ASIC2: variants seen among roughly 807,000 people sequenced by gnomAD.
ASIC2 encodes the protein acid sensing ion channel subunit 2, also known as acid-sensing ion channel 2.
ASIC2 carries 25 observed loss-of-function variants against 57.3 expected under a neutral mutation model. The ratio of observed to expected loss-of-function variants is 0.44; its 90% CI spans 0.32 to 0.61. The LOEUF (loss-of-function observed/expected upper bound fraction) is 0.61, where lower values mean the gene tolerates loss of function less well. ASIC2 is among the 20% of genes least tolerant of loss of function. The pLI, the probability that ASIC2 is intolerant of heterozygous loss-of-function variation, is 0.06. For synonymous variants in ASIC2, 319 were observed against 307.5 expected (o/e 1.04, Z -0.39); for missense variants, 641 against 738.1 (o/e 0.87, Z 1.52).
intron 1 of ASIC2, among the ~76,000 whole-genome samples, chr17:34,101,253 A>AT (rs1222695822): frequency 1.3e-5 from 2 of 152,194 alleles, no homozygotes; most frequent in African/African-American, 4.8e-5. Flanking sequence ...AGACACATAC[A>AT]TATACAAGGC....
intron 1 of ASIC2, among the ~76,000 whole-genome samples, chr17:33,882,790 C>T (rs1216995477): frequency 6.6e-6 from 1 of 152,160 alleles, no homozygotes; most frequent in Non-Finnish European, 1.5e-5. Flanking sequence ...AATCATGCTG[C>T]TATAAAGACA....
At chr17:33,333,103 C>A (rs765731580) in intron 1 of ASIC2, among the ~76,000 whole-genome samples, 1 of 152,156 alleles carries the variant, frequency 6.6e-6, no homozygotes. Context: ...CCTTGGGGAA[C>A]CTTACTTTGG....
At position 33,279,161 on chromosome 17, in the gene ASIC2, C is replaced by T. The variant is rs912435231; in HGVS notation, c.708+12247G>A. 5.9e-5 allele frequency among the ~76,000 whole-genome samples: 9 copies of T among 152,244 alleles called. No homozygotes were observed. In the South Asian group the frequency reaches 6.2e-4, roughly 11 times the overall value. On this transcript the variant is annotated intron_variant, in intron 1 of 9. Coordinates refer to ENST00000225823, the MANE Select transcript of ASIC2 (RefSeq NM_183377.2). ...TTATACACACGTGGCTAAAAATATT[C>T]GGGTCATAGATAAGGGTGAAGAGTG...
At chr17:33,322,832 G>A (rs1037419815) in intron 1 of ASIC2, among the ~76,000 whole-genome samples, 3 of 152,158 alleles carry the variant, frequency 2.0e-5, no homozygotes, top group African/African-American at 7.2e-5. Context: ...CTCAGAGGAG[G>A]TAGTACTTGA....
At chr17:33,078,785 G>C (rs757785907) in intron 3 of ASIC2, among the ~76,000 whole-genome samples, 8 of 152,190 alleles carry the variant, frequency 5.3e-5, no homozygotes, top group Admixed American at 1.3e-4. Context: ...TCTCCTGCTG[G>C]CCTGTAAGCT....
chr17:33,557,206 T>C (rs562046366), intron 1 of ASIC2, among the ~76,000 whole-genome samples: 1 of 152,082 alleles, frequency 6.6e-6, no homozygotes, highest in Non-Finnish European at 1.5e-5. Context: ...ATTTTACAAA[T>C]GTTAAGTAAC....
At chr17:33,635,756 A>C (rs1371653456) in intron 1 of ASIC2, among the ~76,000 whole-genome samples, 1 of 152,222 alleles carries the variant, frequency 6.6e-6, no homozygotes, top group East Asian at 1.9e-4. Flanking sequence ...CTGACAACAG[A>C]GGAACTGGAA....
intron 1 of ASIC2, among the ~76,000 whole-genome samples, chr17:33,949,101 T>C (rs1346736684): frequency 6.6e-6 from 1 of 151,586 alleles, no homozygotes; most frequent in African/African-American, 2.4e-5. Flanking sequence ...ATTTTTTTTT[T>C]CAACTATTTA....
At chr17:33,438,878 C>G (rs1233713274) in intron 1 of ASIC2, among the ~76,000 whole-genome samples, 2 of 136,806 alleles carry the variant, frequency 1.5e-5, no homozygotes, top group African/African-American at 5.5e-5. Flanking sequence ...GAGACAGGGT[C>G]TTGCTCTGTT....
At chr17:34,099,036 T>C (rs1040259776) in intron 1 of ASIC2, among the ~76,000 whole-genome samples, 2 of 149,078 alleles carry the variant, frequency 1.3e-5, no homozygotes, top group Non-Finnish European at 3.0e-5. Flanking sequence ...GGATGAGCAA[T>C]AGATTAGCCT....
chr17:33,890,856 C>T (rs1427776997), intron 1 of ASIC2, among the ~76,000 whole-genome samples: 1 of 152,062 alleles, frequency 6.6e-6, no homozygotes, highest in African/African-American at 2.4e-5. Context: ...AAAAATACTG[C>T]AAATACTGTC....
chr17:33,873,010 C>A (rs1914459661), intron 1 of ASIC2, among the ~76,000 whole-genome samples: 1 of 152,132 alleles, frequency 6.6e-6, no homozygotes, highest in Non-Finnish European at 1.5e-5. Flanking sequence ...AGACTTAAGA[C>A]AGAGACAAGA....
chr17:33,044,631 G>A (rs961414554), intron 3 of ASIC2, among the ~76,000 whole-genome samples: 3 of 152,174 alleles, frequency 2.0e-5, no homozygotes, highest in African/African-American at 7.2e-5. Flanking sequence ...CAAAGGTTGG[G>A]ATTACAGGCA....
chr17:33,825,038 C>A (rs1912865465), intron 1 of ASIC2, among the ~76,000 whole-genome samples: 1 of 152,216 alleles, frequency 6.6e-6, no homozygotes. Flanking sequence ...CTCTCTACTT[C>A]TATCTCTGTA....
intron 1 of ASIC2, among the ~76,000 whole-genome samples, chr17:33,257,675 C>T (rs1909128553): frequency 6.6e-6 from 1 of 152,168 alleles, no homozygotes; most frequent in Non-Finnish European, 1.5e-5. Context: ...CTAGCCCTTC[C>T]TTCTCAGGTA....
intron 1 of ASIC2, among the ~76,000 whole-genome samples, chr17:33,475,386 G>A (rs1913187292): frequency 6.6e-6 from 1 of 152,080 alleles, no homozygotes; most frequent in Non-Finnish European, 1.5e-5. Context: ...TGAAGTTAGT[G>A]AGTGTTCACC....
At chr17:33,871,396 A>G (rs1269269896) in intron 1 of ASIC2, among the ~76,000 whole-genome samples, 1 of 152,092 alleles carries the variant, frequency 6.6e-6, no homozygotes, top group Non-Finnish European at 1.5e-5. Flanking sequence ...GCACTGCCAC[A>G]CCCTCCAGCT....
At chr17:33,629,466 C>G (rs528969904) in intron 1 of ASIC2, among the ~76,000 whole-genome samples, 1 of 152,250 alleles carries the variant, frequency 6.6e-6, no homozygotes, top group South Asian at 2.1e-4. Flanking sequence ...TATAAAGTAT[C>G]TATAAAAATA....
intron 1 of ASIC2, among the ~76,000 whole-genome samples, chr17:34,127,166 TA>T (rs1363472658): frequency 6.6e-6 from 1 of 152,068 alleles, no homozygotes; most frequent in East Asian, 1.9e-4. Context: ...TCGTTATGAG[TA>T]AGTTTTCTAT....
Sources: gnomAD v4.1 joint callset for allele counts (sites outside exome capture counted in the v4.1 genomes callset) on GRCh38, gnomAD v4.1.1 for gene constraint, MANE v1.5 for transcripts, NCBI Gene and HGNC (gene_info 2026-07-23, HGNC 2026-07-21) for gene names.